CACNG4: variants seen among roughly 807,000 people sequenced by gnomAD.
CACNG4 encodes the protein voltage-dependent calcium channel gamma-4 subunit.
Under a neutral mutation model 22.9 loss-of-function variants are expected in CACNG4, and 8 were observed. The ratio of observed to expected loss-of-function variants is 0.35; its 90% confidence interval spans 0.21 to 0.63. The LOEUF (loss-of-function observed/expected upper bound fraction) is 0.63. Ranked by LOEUF, CACNG4 falls within the 30% of genes least tolerant of loss-of-function variation. The probability of loss-of-function intolerance (pLI) is 0.72; values close to 1 mark genes in which losing one functional copy is unlikely to be tolerated. For synonymous variants in CACNG4, 188 were observed against 191.9 expected (o/e 0.98, Z 0.17); for missense variants, 357 against 455.4 (o/e 0.78, Z 1.97).
intron 1 of CACNG4, among the ~76,000 whole-genome samples, chr17:67,012,977 C>G (rs552213349): frequency 6.6e-6 from 1 of 152,312 alleles, no homozygotes; most frequent in African/African-American, 2.4e-5. Flanking sequence ...GCAAGTTGCC[C>G]TCTGACATGC....
intron 1 of CACNG4, among the ~76,000 whole-genome samples, chr17:66,993,510 C>G (rs2143312154): frequency 1.3e-5 from 2 of 152,320 alleles, no homozygotes; most frequent in South Asian, 2.1e-4. Flanking sequence ...ACAATCTCCT[C>G]CATTGCCAGG....
At position 67,031,614 on chromosome 17, in the gene CACNG4, C is replaced by T. The variant is rs1047238845; in HGVS notation, c.*610C>T. 41 of 456,828 alleles carry T rather than the reference C, an allele frequency of 9.0e-5. No homozygotes were observed. The highest frequency in any genetic ancestry group is 6.5e-4 in the Middle Eastern group (2 of 3,076). The allele number at this position is 456,828 out of a possible 1,614,324, so 28.3% of individuals were successfully genotyped here. On this transcript the variant is annotated 3_prime_UTR_variant, in exon 4 of 4. Transcript: ENST00000262138. The surrounding 1 kb of genome is among the most constrained non-coding windows in gnomAD (Gnocchi z 4.0). ...CAGCCAACTGGTGCTTTGGCCTTTG[C>T]GCTGTCCCGGGGCCAGCTTCCCTCG...
At chr17:67,017,111 C>A (rs188236713) in intron 1 of CACNG4, among the ~76,000 whole-genome samples, 8 of 152,254 alleles carry the variant, frequency 5.3e-5, no homozygotes, top group African/African-American at 1.9e-4. Context: ...GGGTCTGGCT[C>A]TGTTGCCCAG....
intron 2 of CACNG4, among the ~76,000 whole-genome samples, chr17:67,020,882 C>T (rs2035527686): frequency 6.6e-6 from 1 of 152,128 alleles, no homozygotes; most frequent in African/African-American, 2.4e-5. Context: ...AGTGAGGGTT[C>T]ATGAGAGTTC....
intron 1 of CACNG4, among the ~76,000 whole-genome samples, chr17:66,965,497 G>C (rs2035163771): frequency 6.9e-6 from 1 of 145,160 alleles, no homozygotes; most frequent in Non-Finnish European, 1.5e-5. Context: ...GGCCGCGCCG[G>C]CACCCCCGGG....
At chr17:66,975,201 C>A (rs1423908409) in intron 1 of CACNG4, among the ~76,000 whole-genome samples, 1 of 152,174 alleles carries the variant, frequency 6.6e-6, no homozygotes, top group East Asian at 1.9e-4. Flanking sequence ...CTGGGAAAAA[C>A]CAAATGAGTA....
At chr17:66,972,159 A>G (rs141923635) in intron 1 of CACNG4, among the ~76,000 whole-genome samples, 1 of 152,124 alleles carries the variant, frequency 6.6e-6, no homozygotes, top group Non-Finnish European at 1.5e-5. Context: ...AAGAAGGAAC[A>G]GTTGTGGGAA....
In CACNG4 at chr17:66,984,398, G is replaced by T. The variant is rs533235468; in HGVS notation, c.220+19267G>T. Among the ~76,000 whole-genome samples, 1 of 152,114 alleles carries T rather than the reference G, an allele frequency of 6.6e-6. No homozygotes were observed. The highest frequency in any genetic ancestry group is 2.1e-4 in the South Asian group (1 of 4,812). ...AAAACAAAAACAAAAAACAAATATAGGTCTGGGATGACAAAGACTCACAGA... is the reference window on the plus strand; with the variant it reads ...AAAACAAAAACAAAAAACAAATATATGTCTGGGATGACAAAGACTCACAGA... On this transcript the variant is annotated intron_variant, in intron 1 of 3. Transcript: ENST00000262138. The surrounding 1 kb of genome is among the most constrained non-coding windows in gnomAD (Gnocchi z 4.0).
intron 1 of CACNG4, among the ~76,000 whole-genome samples, chr17:66,975,726 C>T (rs561117397): frequency 6.6e-6 from 1 of 152,184 alleles, no homozygotes; most frequent in Non-Finnish European, 1.5e-5. Flanking sequence ...CTGAGCACCC[C>T]CCAGTGGAGG....
intron 1 of CACNG4, among the ~76,000 whole-genome samples, chr17:66,968,120 A>G (rs77496313): frequency 6.6e-6 from 1 of 152,282 alleles, no homozygotes; most frequent in African/African-American, 2.4e-5. Context: ...GGAGGTGCAG[A>G]GAGGTTCAGG....
intron 3 of CACNG4, among the ~76,000 whole-genome samples, chr17:67,029,545 A>C (rs892919374): frequency 4.6e-5 from 7 of 151,886 alleles, no homozygotes; most frequent in Admixed American, 3.3e-4. Context: ...GAGGCGGGAG[A>C]ATTGCTTGAA....
At chr17:67,009,007 A>T (rs1156679546) in intron 1 of CACNG4, among the ~76,000 whole-genome samples, 1 of 152,130 alleles carries the variant, frequency 6.6e-6, no homozygotes, top group East Asian at 1.9e-4. Context: ...TGGGGCCCTT[A>T]TGAAAAGGGG....
chr17:67,009,173 T>A (rs2143339135), intron 1 of CACNG4, among the ~76,000 whole-genome samples: 1 of 152,178 alleles, frequency 6.6e-6, no homozygotes, highest in African/African-American at 2.4e-5. Flanking sequence ...CTCACAGCCC[T>A]CAGGAGGAAC....
At chr17:66,980,343 C>T (rs558368277) in intron 1 of CACNG4, among the ~76,000 whole-genome samples, 1 of 152,206 alleles carries the variant, frequency 6.6e-6, no homozygotes, top group East Asian at 1.9e-4. Context: ...AAACCTTTAT[C>T]ACATGTGTAA....
intron 1 of CACNG4, among the ~76,000 whole-genome samples, chr17:66,993,657 G>A (rs1164100012): frequency 1.3e-5 from 2 of 152,208 alleles, no homozygotes; most frequent in Non-Finnish European, 2.9e-5. Context: ...CCAAGCTGGA[G>A]TGCAGTGGCG....
chr17:66,978,437 G>A (rs546014638), intron 1 of CACNG4, among the ~76,000 whole-genome samples: 5 of 152,242 alleles, frequency 3.3e-5, no homozygotes, highest in South Asian at 4.2e-4. Flanking sequence ...GGGGGGCTTC[G>A]GTTCTTAATT....
intron 1 of CACNG4, among the ~76,000 whole-genome samples, chr17:66,999,140 T>G (rs1038184596): frequency 1.3e-5 from 2 of 152,138 alleles, no homozygotes; most frequent in Non-Finnish European, 2.9e-5. Flanking sequence ...ATCTGTAAAA[T>G]GGAGTGGCTG....
intron 1 of CACNG4, among the ~76,000 whole-genome samples, chr17:66,977,694 C>A (rs1328927238): frequency 6.6e-6 from 1 of 152,226 alleles, no homozygotes; most frequent in South Asian, 2.1e-4. Flanking sequence ...CCTCACCTCT[C>A]TCTTGTTTTT....
chr17:67,013,802 T>TG (rs1156381274), intron 1 of CACNG4, among the ~76,000 whole-genome samples: 1 of 118,298 alleles, frequency 8.5e-6, no homozygotes, highest in Non-Finnish European at 1.6e-5. Flanking sequence ...GAGACTTGTC[T>TG]CAAAAAAAAA....
Sources: gnomAD v4.1 joint callset for allele counts (sites outside exome capture counted in the v4.1 genomes callset) on GRCh38, gnomAD v4.1.1 for gene constraint, Gnocchi (gnomAD v3.1) non-coding constraint, MANE v1.5 for transcripts, NCBI Gene and HGNC (gene_info 2026-07-23, HGNC 2026-07-21) for gene names.